Variants in RBFOX1 observed in about 807,000 individuals in gnomAD.
RBFOX1 encodes the protein RNA binding protein fox-1 homolog 1.
RBFOX1 carries 8 observed loss-of-function variants against 57.7 expected under a neutral mutation model. That is an observed-to-expected ratio of 0.14 (90% confidence interval 0.08 to 0.25). RBFOX1 has a LOEUF of 0.25. Among genes scored for constraint, RBFOX1 ranks in the 10% least tolerant of loss-of-function variants. The pLI is 1.00. For missense variants in RBFOX1, 611 were observed against 548.5 expected (o/e 1.11, Z -1.14); for synonymous variants, 326 against 222.4 (o/e 1.47, Z -4.15).
In RBFOX1 at chr16:6,066,769, C is replaced by G. The variant is rs113000714; in HGVS notation, c.-127+46777C>G. ...GGTGCCGGGTACGATGTCAAGGATG[C>G]AAGCTGAAGCTGGCCATATGGTTCT... On this transcript the variant is annotated intron_variant, in intron 1 of 15. Transcript: ENST00000550418. 1.7e-3 allele frequency among the ~76,000 whole-genome samples: 265 copies of G among 152,214 alleles called. 3 individuals are homozygous for G. The highest frequency in any genetic ancestry group is 6.1e-3 in the African/African-American group (255 of 41,544).
At position 5,737,222 on chromosome 16, in the gene RBFOX1, G is replaced by A. The variant is rs149573993; in HGVS notation, c.319-130081G>A. 2.6e-3 allele frequency among the ~76,000 whole-genome samples: 403 copies of A among 152,198 alleles called. 4 individuals are homozygous for A. The highest frequency in any genetic ancestry group is 0.013 in the South Asian group (65 of 4,818). On this transcript the variant is annotated intron_variant, in intron 3 of 19. Transcript: ENST00000641259. ...TTCTGGGCTGGGTGCAGTTGCTCACGCCTGTAATCCCAGCACTTTGGGAGG... is the reference window on the plus strand; with the variant it reads ...TTCTGGGCTGGGTGCAGTTGCTCACACCTGTAATCCCAGCACTTTGGGAGG...
intron 4 of RBFOX1, among the ~76,000 whole-genome samples, chr16:7,229,231 C>A (rs2093337301): frequency 6.6e-6 from 1 of 152,174 alleles, no homozygotes; most frequent in South Asian, 2.1e-4. Context: ...TGATGCATTG[C>A]AATCTTCTGC....
At chr16:6,942,723 A>G (rs2078767887) in intron 3 of RBFOX1, among the ~76,000 whole-genome samples, 1 of 152,200 alleles carries the variant, frequency 6.6e-6, no homozygotes, top group Non-Finnish European at 1.5e-5. Flanking sequence ...ACAAGTGACC[A>G]TTTAGAGACT....
intron 3 of RBFOX1, among the ~76,000 whole-genome samples, chr16:6,721,383 C>T (rs908529554): frequency 6.6e-6 from 1 of 152,168 alleles, no homozygotes; most frequent in Non-Finnish European, 1.5e-5. Context: ...GCGGAGGTTA[C>T]AGTGAGCCGA....
intron 3 of RBFOX1, among the ~76,000 whole-genome samples, chr16:6,813,620 A>T (rs968521113): frequency 6.6e-6 from 1 of 152,164 alleles, no homozygotes; most frequent in African/African-American, 2.4e-5. Context: ...CTCAAAATCA[A>T]TCTGAAGAAC....
Position 5,850,957 on chromosome 16 carries a change from G to T in RBFOX1, c.319-16346G>T, listed in dbSNP as rs542100892. 1.5e-3 allele frequency among the ~76,000 whole-genome samples: 226 copies of T among 152,302 alleles called. 2 individuals carry two copies. Among genetic ancestry groups the T allele is most frequent in the Middle Eastern group, 0.014 (4 of 294 alleles). On this transcript the variant is annotated intron_variant, in intron 3 of 19. Transcript: ENST00000641259. ...GATGGCATCGGGCATATCCTGCTGC[G>T]TTCCCGGAGGCTCATGCATCCTCTG...
intron 3 of RBFOX1, among the ~76,000 whole-genome samples, chr16:7,046,754 C>T (rs570523438): frequency 5.3e-5 from 8 of 151,718 alleles, no homozygotes; most frequent in Non-Finnish European, 5.9e-5. Context: ...TACAAGCACG[C>T]GCCATCATGC....
At chr16:6,864,494 A>C (rs905640372) in intron 3 of RBFOX1, among the ~76,000 whole-genome samples, 1 of 152,006 alleles carries the variant, frequency 6.6e-6, no homozygotes, top group Non-Finnish European at 1.5e-5. Context: ...AAATTAACAC[A>C]TAAAAACGTT....
chr16:5,597,643 GTCCGCCT>G (rs1555476518), intron 2 of RBFOX1, among the ~76,000 whole-genome samples: 1 of 152,060 alleles, frequency 6.6e-6, no homozygotes, highest in Non-Finnish European at 1.5e-5. Flanking sequence ...CAGGTGATCT[GTCCGCCT>G]CGGCCTTGCT....
intron 2 of RBFOX1, among the ~76,000 whole-genome samples, chr16:6,384,450 A>G (rs1567165617): frequency 6.6e-5 from 10 of 151,632 alleles, no homozygotes. Flanking sequence ...TCTATCTTTC[A>G]TTTTTTTTCC....
At chr16:5,580,643 C>T (rs916365657) in intron 2 of RBFOX1, among the ~76,000 whole-genome samples, 1 of 152,188 alleles carries the variant, frequency 6.6e-6, no homozygotes, top group African/African-American at 2.4e-5. Context: ...TTGAGCTCCC[C>T]ACACTGGATA....
chr16:6,562,439 A>G (rs563022408), intron 2 of RBFOX1, among the ~76,000 whole-genome samples: 11 of 152,376 alleles, frequency 7.2e-5, no homozygotes, highest in Non-Finnish European at 7.3e-5. Context: ...ACTTTTGTCT[A>G]TGATCACTGT....
At chr16:7,461,393 G>C (rs1371978122) in intron 4 of RBFOX1, among the ~76,000 whole-genome samples, 1 of 152,014 alleles carries the variant, frequency 6.6e-6, no homozygotes, top group Non-Finnish European at 1.5e-5. Context: ...GTGTCCATCT[G>C]TTGACCTCGT....
chr16:5,518,040 A>C (rs2043859670), intron 2 of RBFOX1, among the ~76,000 whole-genome samples: 1 of 152,028 alleles, frequency 6.6e-6, no homozygotes, highest in Admixed American at 6.6e-5. Flanking sequence ...GTTAAACTTA[A>C]ATTAATATTA....
intron 3 of RBFOX1, among the ~76,000 whole-genome samples, chr16:6,706,135 AT>A (rs1299206850): frequency 2.0e-5 from 3 of 152,142 alleles, no homozygotes; most frequent in Non-Finnish European, 4.4e-5. Flanking sequence ...AGGCATTGTA[AT>A]CTTTGTTGTG....
intron 3 of RBFOX1, among the ~76,000 whole-genome samples, chr16:6,878,842 G>C (rs2062351117): frequency 6.7e-6 from 1 of 150,364 alleles, no homozygotes; most frequent in Admixed American, 6.6e-5. Flanking sequence ...CCTATTTGAA[G>C]TTTTAAGGAT....
At chr16:5,594,565 G>A (rs2047118115) in intron 2 of RBFOX1, among the ~76,000 whole-genome samples, 1 of 152,190 alleles carries the variant, frequency 6.6e-6, no homozygotes, top group African/African-American at 2.4e-5. Context: ...AGCAAAGGCA[G>A]GAAGACAGGG....
chr16:5,679,736 C>T (rs1383729479), intron 3 of RBFOX1, among the ~76,000 whole-genome samples: 2 of 152,198 alleles, frequency 1.3e-5, no homozygotes, highest in African/African-American at 4.8e-5. Context: ...GCTTTGGCAA[C>T]ACAGCCATCC....
chr16:6,776,551 C>G (rs897839998), intron 3 of RBFOX1, among the ~76,000 whole-genome samples: 7 of 152,152 alleles, frequency 4.6e-5, no homozygotes, highest in South Asian at 2.1e-4. Context: ...TTGATCAAGT[C>G]TCATCCATGG....
Sources: gnomAD v4.1 joint callset for allele counts (sites outside exome capture counted in the v4.1 genomes callset) on GRCh38, gnomAD v4.1.1 for gene constraint, MANE v1.5 for transcripts, NCBI Gene and HGNC (gene_info 2026-07-23, HGNC 2026-07-21) for gene names.